The following FIG4 variants were observed in gnomAD, a reference collection of about 807,000 sequenced individuals.
The protein encoded by FIG4 is polyphosphoinositide phosphatase.
Under a neutral mutation model 118.6 loss-of-function variants are expected in FIG4, and 112 were observed. That is an observed-to-expected ratio of 0.94 (90% CI 0.81 to 1.11). FIG4 has a LOEUF of 1.11. Ranked by LOEUF, FIG4 falls within the 50% of genes least tolerant of loss-of-function variation. The pLI, the probability that FIG4 is intolerant of heterozygous loss-of-function variation, is 0.00. For missense variants in FIG4, 969 were observed against 1,111.7 expected (o/e 0.87, Z 1.83); for synonymous variants, 369 against 381.2 (o/e 0.97, Z 0.37).
intron 1 of FIG4, among the ~76,000 whole-genome samples, chr6:109,693,533 G>A (rs1318034851): frequency 6.6e-6 from 1 of 152,222 alleles, no homozygotes; most frequent in Non-Finnish European, 1.5e-5. Context: ...CCAGCTTAGA[G>A]ACAAAAGGTA....
At chr6:109,795,293 C>T (rs1323674723) in intron 21 of FIG4, among the ~76,000 whole-genome samples, 2 of 151,648 alleles carry the variant, frequency 1.3e-5, no homozygotes, top group African/African-American at 4.8e-5. Flanking sequence ...GATTGTACAC[C>T]TGATTTAAGA....
At chr6:109,798,816 CT>C (rs34921960) in intron 22 of FIG4, among the ~76,000 whole-genome samples, 7,104 of 148,470 alleles carry the variant, frequency 0.048, 582 homozygotes, top group African/African-American at 0.16. Context: ...TTTTTTTCCT[CT>C]TTTTTTTTTG....
intron 18 of FIG4, among the ~76,000 whole-genome samples, chr6:109,787,761 G>GT (rs1778022098): frequency 6.6e-6 from 1 of 152,168 alleles, no homozygotes; most frequent in South Asian, 2.1e-4. Context: ...CACTGAATTA[G>GT]TAAATACTGG....
rs1394531293 is a variant in FIG4, at chr6:109,743,287, G to A, written c.1039+15G>A. 3 of 1,609,506 alleles carry A rather than the reference G, an allele frequency of 1.9e-6. No individual in the cohort carries two copies. Among genetic ancestry groups the A allele is most frequent in the Non-Finnish European group, 2.6e-6 (3 of 1,176,268 alleles). On this transcript the variant is annotated intron_variant, in intron 9 of 22. Coordinates refer to ENST00000230124, the MANE Select transcript of FIG4 (RefSeq NM_014845.6). ...ACCTATTACATGTGTGTGGAGCCATGTTTTTAATAATAACTCCTGTCCTCA... is the reference window on the plus strand; with the variant it reads ...ACCTATTACATGTGTGTGGAGCCATATTTTTAATAATAACTCCTGTCCTCA...
At position 109,780,670 on chromosome 6, in the gene FIG4, G is replaced by A. The variant is rs187203795; in HGVS notation, c.1889+3610G>A. 3.3e-5 allele frequency among the ~76,000 whole-genome samples: 5 copies of A among 152,154 alleles called. No individual in the cohort carries two copies. In the East Asian group the frequency reaches 7.7e-4, roughly 23 times the overall value. On this transcript the variant is annotated intron_variant, in intron 16 of 22. Transcript: ENST00000230124. The stretch of plus-strand genomic sequence containing the variant: ...ATTCATGAGTGTTTTGAAATTTGTG[G>A]CATGCTGTATCTTATACTGTGTTTA...
chr6:109,735,331 A>G (rs1281547459), intron 6 of FIG4, 33 bp downstream of exon 6: 4 of 1,571,098 alleles, frequency 2.5e-6, no homozygotes, highest in South Asian at 1.1e-5. Flanking sequence ...ATGTATATTA[A>G]TGTGGTATCC....
At chr6:109,725,262 C>T (rs568429744) in intron 3 of FIG4, among the ~76,000 whole-genome samples, 2 of 152,174 alleles carry the variant, frequency 1.3e-5, no homozygotes, top group South Asian at 4.2e-4. Context: ...CTTGCCCCCA[C>T]CCCTCGACAG....
At chr6:109,803,843 C>A (rs1778493815) in intron 22 of FIG4, among the ~76,000 whole-genome samples, 1 of 146,900 alleles carries the variant, frequency 6.8e-6, no homozygotes, top group Non-Finnish European at 1.5e-5. Flanking sequence ...TGTTCAATTC[C>A]CACCTATGAG....
At chr6:109,783,293 A>G (rs1297701372) in intron 16 of FIG4, among the ~76,000 whole-genome samples, 1 of 152,224 alleles carries the variant, frequency 6.6e-6, no homozygotes, top group Non-Finnish European at 1.5e-5. Flanking sequence ...AAGTAAATAA[A>G]TAAATAAATT....
chr6:109,780,173 A>G (rs1777756515), intron 16 of FIG4, among the ~76,000 whole-genome samples: 2 of 152,222 alleles, frequency 1.3e-5, no homozygotes, highest in Admixed American at 6.5e-5. Flanking sequence ...AGATCATATA[A>G]ATGGTTAGCA....
intron 1 of FIG4, among the ~76,000 whole-genome samples, chr6:109,707,430 C>T (rs1775120085): frequency 6.8e-6 from 1 of 147,200 alleles, no homozygotes; most frequent in Admixed American, 6.8e-5. Context: ...TACATATATA[C>T]ATATATATAC....
At chr6:109,782,352 G>A (rs1777830858) in intron 16 of FIG4, among the ~76,000 whole-genome samples, 1 of 152,030 alleles carries the variant, frequency 6.6e-6, no homozygotes, top group Non-Finnish European at 1.5e-5. Flanking sequence ...TCTTCCCCAA[G>A]GCAGATATTT....
chr6:109,822,783 GTA>G (rs10538120), intron 22 of FIG4, among the ~76,000 whole-genome samples: 60,032 of 120,588 alleles, frequency 0.5, 13,675 homozygotes, highest in East Asian at 0.75. Context: ...GTGTGTGTGT[GTA>G]TGTATATATA....
intron 10 of FIG4, among the ~76,000 whole-genome samples, chr6:109,756,538 A>T (rs745504005): frequency 7.9e-5 from 12 of 152,202 alleles, no homozygotes; most frequent in South Asian, 2.1e-4. Context: ...GTGTTTTCCA[A>T]CTTGGTTCCA....
chr6:109,743,348 C>T (rs1045600652), intron 9 of FIG4, 76 bp downstream of exon 9: 3 of 1,439,748 alleles, frequency 2.1e-6, no homozygotes, highest in Middle Eastern at 1.8e-4. Flanking sequence ...ACAGAAATCT[C>T]ATAAATGCTT....
chr6:109,777,201 CGTAGTAGGT>C, intron 16 of FIG4, 141 bp downstream of exon 16: 1 of 689,954 alleles, frequency 1.4e-6, no homozygotes, highest in Non-Finnish European at 2.4e-6. Context: ...TTTGTGGGTA[CGTAGTAGGT>C]GTATATTTTT....
chr6:109,720,510 T>C (rs745509426), intron 3 of FIG4, among the ~76,000 whole-genome samples: 7 of 152,192 alleles, frequency 4.6e-5, no homozygotes, highest in Non-Finnish European at 8.8e-5. Context: ...TTCTCTAGGA[T>C]CTGTAATAAA....
At chr6:109,775,658 G>A (rs1777597068) in intron 15 of FIG4, among the ~76,000 whole-genome samples, 1 of 152,138 alleles carries the variant, frequency 6.6e-6, no homozygotes, top group Non-Finnish European at 1.5e-5. Flanking sequence ...AGTAATGTAT[G>A]CATTATTTAA....
At chr6:109,752,866 G>C (rs1215826667) in intron 10 of FIG4, among the ~76,000 whole-genome samples, 1 of 152,044 alleles carries the variant, frequency 6.6e-6, no homozygotes, top group Non-Finnish European at 1.5e-5. Flanking sequence ...TGTCAATTTT[G>C]GCTTTTGTTG....
Sources: allele counts gnomAD v4.1 joint callset (sites outside exome capture counted in the v4.1 genomes callset), GRCh38; gene constraint gnomAD v4.1.1; transcripts MANE v1.5; gene names NCBI Gene and HGNC (gene_info 2026-07-23, HGNC 2026-07-21).